Variants in PREX1 observed in about 807,000 individuals in gnomAD.
The protein encoded by PREX1 is phosphatidylinositol 3,4,5-trisphosphate-dependent Rac exchanger 1 protein.
In PREX1, 41 loss-of-function variants were observed where a neutral mutation model predicts 198.3. The observed-to-expected ratio is 0.21, with a 90% confidence interval of 0.16 to 0.27. The LOEUF (loss-of-function observed/expected upper bound fraction) is 0.27. Among genes scored for constraint, PREX1 ranks in the 10% least tolerant of loss-of-function variants. The pLI is 1.00. For missense variants in PREX1, 1,620 were observed against 2,200.7 expected, an observed-to-expected ratio of 0.74 and a Z score of 5.28; for synonymous variants, 843 against 887.2, an observed-to-expected ratio of 0.95 and a Z score of 0.89.
At chr20:48,726,947 C>T (rs940162599) in intron 4 of PREX1, among the ~76,000 whole-genome samples, 3 of 152,166 alleles carry the variant, frequency 2.0e-5, no homozygotes, top group Non-Finnish European at 1.5e-5. Context: ...CAGGGCCACA[C>T]GTAGCAACAC....
chr20:48,643,272 C>G (rs917353767), intron 27 of PREX1, among the ~76,000 whole-genome samples: 9 of 152,184 alleles, frequency 5.9e-5, no homozygotes, highest in African/African-American at 2.2e-4. Context: ...AGATCAAGAC[C>G]ATCCTGGCCA....
chr20:48,684,487 C>T lies in PREX1; in HGVS notation c.1335-3152G>A, dbSNP rs2089772870. ...CGTACAGGTGGCCAAGACACCAAGGCCCCTTCCACCTTGGAGCTTTCCCTC... is the reference window on the plus strand; with the variant it reads ...CGTACAGGTGGCCAAGACACCAAGGTCCCTTCCACCTTGGAGCTTTCCCTC... On this transcript the variant is annotated intron_variant, in intron 10 of 39. Coordinates refer to ENST00000371941, the MANE Select transcript of PREX1 (RefSeq NM_020820.4). This position sits in a 1 kb window ranked among gnomAD's most constrained non-coding sequence, Gnocchi z 4.2. Among the ~76,000 whole-genome samples, 4 of 152,224 alleles carry T rather than the reference C, an allele frequency of 2.6e-5. No individual in the cohort carries two copies.
At chr20:48,646,170 G>A (rs2089449745) in intron 25 of PREX1, 113 bp from the exon 26 acceptor site, 3 of 1,040,930 alleles carry the variant, frequency 2.9e-6, no homozygotes, top group South Asian at 1.4e-5. Flanking sequence ...TGTTGGGGGT[G>A]GGAGACTCGC....
chr20:48,702,245 G>A (rs1275735398), intron 6 of PREX1, among the ~76,000 whole-genome samples: 1 of 151,878 alleles, frequency 6.6e-6, no homozygotes, highest in Non-Finnish European at 1.5e-5. Flanking sequence ...CTGAGGGCAG[G>A]GATGGGAAGG....
intron 1 of PREX1, among the ~76,000 whole-genome samples, chr20:48,764,640 A>G (rs550515133): frequency 6.6e-6 from 1 of 152,146 alleles, no homozygotes; most frequent in East Asian, 1.9e-4. Flanking sequence ...AAAATTAGCC[A>G]GATGTGGTGG....
the PREX1 span, among the ~76,000 whole-genome samples, chr20:48,862,788 A>AAAAAAAAAAAAAAAAAC: frequency 2.0e-5 from 1 of 49,838 alleles, no homozygotes; most frequent in Non-Finnish European, 3.7e-5. Flanking sequence ...CCTAAAAAAA[A>AAAAAAAAAAAAAAAAAC]AAATATATAT....
chr20:48,707,102 A>G (rs2089907294), intron 6 of PREX1, among the ~76,000 whole-genome samples: 1 of 152,236 alleles, frequency 6.6e-6, no homozygotes, highest in African/African-American at 2.4e-5. Flanking sequence ...TCTGACGCAC[A>G]GGAAGCTGGC....
At chr20:48,814,800 CCT>C (rs1437222106) in intron 1 of PREX1, among the ~76,000 whole-genome samples, 2 of 152,042 alleles carry the variant, frequency 1.3e-5, no homozygotes, top group Non-Finnish European at 2.9e-5. Context: ...TAAACCGAAC[CCT>C]GTCAGTAATT....
intron 20 of PREX1, 142 bp downstream of exon 20, chr20:48,653,219 C>CT: frequency 2.3e-6 from 3 of 1,311,964 alleles, no homozygotes; most frequent in Non-Finnish European, 3.1e-6. Flanking sequence ...TCAGGCCCAG[C>CT]TCCCTCTTGT....
chr20:48,789,649 T>C (rs1211506450), intron 1 of PREX1, among the ~76,000 whole-genome samples: 1 of 152,226 alleles, frequency 6.6e-6, no homozygotes, highest in Non-Finnish European at 1.5e-5. Context: ...ATCAAAACCA[T>C]TATTTCATGA....
chr20:48,632,761 C>T, intron 33 of PREX1, 122 bp from the exon 34 acceptor site: 1 of 1,068,450 alleles, frequency 9.4e-7, no homozygotes, highest in Non-Finnish European at 1.4e-6. Flanking sequence ...CACCCTGGGA[C>T]CTCCCTGTTC....
At chr20:48,630,919 TGA>T (rs2089309226) in intron 35 of PREX1, 125 bp from the exon 36 acceptor site, 5 of 714,810 alleles carry the variant, frequency 7.0e-6, no homozygotes, top group Non-Finnish European at 1.2e-5. Flanking sequence ...ATGAAATCCC[TGA>T]GAGCGCCTGC....
intron 1 of PREX1, among the ~76,000 whole-genome samples, chr20:48,810,356 G>A (rs1299174862): frequency 6.6e-6 from 1 of 151,932 alleles, no homozygotes; most frequent in African/African-American, 2.4e-5. Context: ...GCTGAGGCAG[G>A]AGAATCGCTT....
At chr20:48,638,627 TCAC>T (rs1411007265) in intron 30 of PREX1, among the ~76,000 whole-genome samples, 2 of 152,060 alleles carry the variant, frequency 1.3e-5, no homozygotes, top group Admixed American at 6.5e-5. Context: ...TTGTCAGGAC[TCAC>T]CACGCCAGGC....
intron 6 of PREX1, among the ~76,000 whole-genome samples, chr20:48,702,627 TG>T (rs2089881381): frequency 6.6e-6 from 1 of 152,190 alleles, no homozygotes; most frequent in Non-Finnish European, 1.5e-5. Flanking sequence ...TGGGATACAC[TG>T]CAGCGGGTGG....
At chr20:48,640,841 A>AGATG (rs1240922755) in intron 29 of PREX1, among the ~76,000 whole-genome samples, 1 of 128,404 alleles carries the variant, frequency 7.8e-6, no homozygotes, top group African/African-American at 2.9e-5. Context: ...ACAGACAAGA[A>AGATG]GATGGATGGA....
At chr20:48,712,849 G>C (rs1441949514) in intron 5 of PREX1, among the ~76,000 whole-genome samples, 1 of 152,234 alleles carries the variant, frequency 6.6e-6, no homozygotes, top group East Asian at 1.9e-4. Flanking sequence ...AGAAGTAACG[G>C]CCACAGTGGC....
At chr20:48,768,506 G>A (rs961272930) in intron 1 of PREX1, among the ~76,000 whole-genome samples, 1 of 152,170 alleles carries the variant, frequency 6.6e-6, no homozygotes, top group Admixed American at 6.5e-5. Context: ...TAGAAAAGCC[G>A]TCACTCGGCC....
intron 10 of PREX1, among the ~76,000 whole-genome samples, chr20:48,687,252 T>C (rs545678706): frequency 3.3e-5 from 5 of 152,316 alleles, no homozygotes; most frequent in South Asian, 2.1e-4. Flanking sequence ...CACATCTCCA[T>C]GTGGGTGTCT....
Sources: allele counts gnomAD v4.1 joint callset (sites outside exome capture counted in the v4.1 genomes callset), GRCh38; gene constraint gnomAD v4.1.1; non-coding constraint Gnocchi (gnomAD v3.1); transcripts MANE v1.5; gene names NCBI Gene and HGNC (gene_info 2026-07-23, HGNC 2026-07-21).